Variants in SH3GL2 observed in about 807,000 individuals in gnomAD.
The protein encoded by SH3GL2 is SH3 domain containing GRB2 like 2, endophilin A1, also known as endophilin-A1.
A neutral mutation model predicts 46.0 loss-of-function variants in SH3GL2; 24 were observed. The ratio of observed to expected loss-of-function variants is 0.52; its 90% CI spans 0.38 to 0.73. SH3GL2 has a LOEUF of 0.73. SH3GL2 is among the 30% of genes least tolerant of loss of function. The probability of loss-of-function intolerance (pLI) is 0.00; values close to 1 mark genes in which losing one functional copy is unlikely to be tolerated. For synonymous variants in SH3GL2, 196 were observed against 147.1 expected (o/e 1.33, Z -2.40); for missense variants, 413 against 424.2 (o/e 0.97, Z 0.23).
intron 1 of SH3GL2, among the ~76,000 whole-genome samples, chr9:17,746,024 T>C (rs1822671678): frequency 1.3e-5 from 2 of 152,182 alleles, no homozygotes; most frequent in African/African-American, 4.8e-5. Flanking sequence ...TTTTGTGTGA[T>C]CCGTTTGTAT....
chr9:17,701,347 G>A (rs1180125658), intron 1 of SH3GL2, among the ~76,000 whole-genome samples: 2 of 152,132 alleles, frequency 1.3e-5, no homozygotes, highest in Non-Finnish European at 2.9e-5. Context: ...CTAAAATGAA[G>A]AGGGAAACCG....
At chr9:17,679,002 G>T (rs2118025207) in intron 1 of SH3GL2, among the ~76,000 whole-genome samples, 1 of 152,112 alleles carries the variant, frequency 6.6e-6, no homozygotes, top group East Asian at 1.9e-4. Flanking sequence ...TCTCTATTTT[G>T]GTACCAGTAC....
At chr9:17,767,075 C>T (rs1425081341) in intron 3 of SH3GL2, among the ~76,000 whole-genome samples, 1 of 152,116 alleles carries the variant, frequency 6.6e-6, no homozygotes, top group Non-Finnish European at 1.5e-5. Context: ...GTTACTCTTA[C>T]CCTGATGTGA....
intron 1 of SH3GL2, among the ~76,000 whole-genome samples, chr9:17,670,555 A>T (rs1307904578): frequency 6.6e-6 from 1 of 152,182 alleles, no homozygotes; most frequent in Non-Finnish European, 1.5e-5. Flanking sequence ...AAACAGTTGT[A>T]TTATGCCAGT....
chr9:17,737,883 T>G (rs561288096), intron 1 of SH3GL2, among the ~76,000 whole-genome samples: 1 of 152,214 alleles, frequency 6.6e-6, no homozygotes, highest in East Asian at 1.9e-4. Flanking sequence ...TAGGAACTTC[T>G]GTGTAATAAA....
intron 1 of SH3GL2, among the ~76,000 whole-genome samples, chr9:17,657,037 TAA>T (rs1046321440): frequency 5.9e-5 from 9 of 152,190 alleles, no homozygotes; most frequent in African/African-American, 2.2e-4. Flanking sequence ...TAAAAATTCT[TAA>T]ATTACCCGTG....
intron 1 of SH3GL2, among the ~76,000 whole-genome samples, chr9:17,688,552 C>G (rs1820987585): frequency 6.6e-6 from 1 of 151,924 alleles, no homozygotes; most frequent in South Asian, 2.1e-4. Flanking sequence ...GTAAAAGGAA[C>G]CAGGGCACCT....
intron 1 of SH3GL2, among the ~76,000 whole-genome samples, chr9:17,718,162 C>T (rs957409787): frequency 1.3e-5 from 2 of 152,032 alleles, no homozygotes; most frequent in African/African-American, 4.8e-5. Flanking sequence ...TTAGCATTTA[C>T]CATACAGAGA....
In SH3GL2 at chr9:17,774,289, A is replaced by T. The variant is rs1449079868; in HGVS notation, c.188-12092A>T. ...CATCCAATTTGGATTCCTTTTTCTTACCAAATTGCCCTGGCCAGAACTTTC... is the reference window on the plus strand; with the variant it reads ...CATCCAATTTGGATTCCTTTTTCTTTCCAAATTGCCCTGGCCAGAACTTTC... On this transcript the variant is annotated intron_variant, in intron 3 of 8. Transcript: ENST00000380607. 2.6e-5 allele frequency among the ~76,000 whole-genome samples: 4 copies of T among 151,998 alleles called. No homozygotes were observed. The East Asian group carries it at 7.7e-4, about 29-fold the overall frequency.
chr9:17,761,785 A>G (rs2296367), intron 3 of SH3GL2, among the ~76,000 whole-genome samples: 83 of 152,096 alleles, frequency 5.5e-4, no homozygotes, highest in Non-Finnish European at 9.3e-4. Context: ...ACATAATATC[A>G]GAGTAGCTAT....
intron 1 of SH3GL2, among the ~76,000 whole-genome samples, chr9:17,715,300 C>T (rs556577194): frequency 6.6e-6 from 1 of 150,596 alleles, no homozygotes; most frequent in African/African-American, 2.4e-5. Context: ...ATGTAATTTG[C>T]CTAGTGTTTC....
chr9:17,785,750 C>G (rs1485759270), intron 3 of SH3GL2, among the ~76,000 whole-genome samples: 1 of 152,094 alleles, frequency 6.6e-6, no homozygotes, highest in African/African-American at 2.4e-5. Flanking sequence ...CTTTGAGGCA[C>G]AAAACTAATT....
chr9:17,579,309 T>C (rs764651504), intron 1 of SH3GL2, 22 bp downstream of exon 1: 1 of 1,537,708 alleles, frequency 6.5e-7, no homozygotes, highest in African/African-American at 1.4e-5. Flanking sequence ...GGCAGGTGCG[T>C]CCCGGGGCAG....
At chr9:17,679,556 C>A (rs1347831164) in intron 1 of SH3GL2, among the ~76,000 whole-genome samples, 1 of 152,266 alleles carries the variant, frequency 6.6e-6, no homozygotes, top group South Asian at 2.1e-4. Flanking sequence ...TCTAGATATA[C>A]AATCATGTCA....
chr9:17,776,889 T>C (rs962431549), intron 3 of SH3GL2, among the ~76,000 whole-genome samples: 2 of 152,172 alleles, frequency 1.3e-5, no homozygotes, highest in Non-Finnish European at 2.9e-5. Flanking sequence ...ATCACTGAAC[T>C]GTGACTTGGA....
chr9:17,685,444 G>T (rs931634285), intron 1 of SH3GL2, among the ~76,000 whole-genome samples: 1 of 152,096 alleles, frequency 6.6e-6, no homozygotes, highest in Admixed American at 6.6e-5. Flanking sequence ...CTTCACAACA[G>T]TACCTAGATT....
chr9:17,744,390 T>G (rs1167127642), intron 1 of SH3GL2, among the ~76,000 whole-genome samples: 2 of 151,660 alleles, frequency 1.3e-5, no homozygotes, highest in Non-Finnish European at 2.9e-5. Context: ...TTTTTGAGTC[T>G]GAGTCTCACC....
chr9:17,789,723 G>C (rs1824068497), intron 6 of SH3GL2, 173 bp downstream of exon 6: 5 of 1,362,292 alleles, frequency 3.7e-6, no homozygotes, highest in Non-Finnish European at 4.7e-6. Flanking sequence ...CTGAGAAATA[G>C]AAAAGTTTCT....
chr9:17,686,813 T>A (rs1820923978), intron 1 of SH3GL2, among the ~76,000 whole-genome samples: 1 of 138,368 alleles, frequency 7.2e-6, no homozygotes, highest in Admixed American at 7.2e-5. Context: ...GGGGGAGGGT[T>A]AGCACTGGGA....
Sources: allele counts gnomAD v4.1 joint callset (sites outside exome capture counted in the v4.1 genomes callset), GRCh38; gene constraint gnomAD v4.1.1; transcripts MANE v1.5; gene names NCBI Gene and HGNC (gene_info 2026-07-23, HGNC 2026-07-21).